The following TMTC1 variants were observed in gnomAD, a reference collection of about 807,000 sequenced individuals.
TMTC1 encodes the protein transmembrane O-mannosyltransferase targeting cadherins 1.
Under a neutral mutation model 104.8 loss-of-function variants are expected in TMTC1, and 73 were observed. The ratio of observed to expected loss-of-function variants is 0.70; its 90% CI spans 0.58 to 0.85. The LOEUF is 0.85. Among genes scored for constraint, TMTC1 ranks in the 40% least tolerant of loss-of-function variants. The probability of loss-of-function intolerance (pLI) is 0.00; values close to 1 mark genes in which losing one functional copy is unlikely to be tolerated. For synonymous variants in TMTC1, 434 were observed against 428.7 expected, an observed-to-expected ratio of 1.01 and a Z score of -0.15; for missense variants, 1,035 against 1,096.1, an observed-to-expected ratio of 0.94 and a Z score of 0.79.
intron 2 of TMTC1, among the ~76,000 whole-genome samples, chr12:29,765,278 T>G (rs921231211): frequency 6.6e-6 from 1 of 152,222 alleles, no homozygotes; most frequent in Non-Finnish European, 1.5e-5. Context: ...ATTGTAGATA[T>G]CGACATTTCA....
chr12:29,505,404 T>C lies in TMTC1; in HGVS notation c.*1442A>G, dbSNP rs1943676188. On this transcript the variant is annotated 3_prime_UTR_variant, in exon 18 of 18. Transcript: ENST00000539277. Reference sequence around the variant, plus strand: ...GAAACAGGTGTTCCAATTTCTTCACTTCCAAAATATACTACTGCCAAAAAA... The same window carrying C: ...GAAACAGGTGTTCCAATTTCTTCACCTCCAAAATATACTACTGCCAAAAAA... 1 of 152,214 alleles carries C rather than the reference T, an allele frequency of 6.6e-6. No individual in the cohort carries two copies. Among genetic ancestry groups the C allele is most frequent in the Non-Finnish European group, 1.5e-5 (1 of 68,044 alleles). The allele number at this position is 152,214 out of a possible 1,614,324, so 9.4% of individuals were successfully genotyped here.
rs115697550 is a variant in TMTC1 at position 29,722,162 on chromosome 12, T to A, written c.938+29504A>T. Among the ~76,000 whole-genome samples the A allele has an allele frequency of 6.6e-3, 1,004 of 152,248 alleles. 10 individuals are homozygous for A. The highest frequency in any genetic ancestry group is 0.023 in the African/African-American group (965 of 41,526). On this transcript the variant is annotated intron_variant, in intron 5 of 17. Coordinates refer to ENST00000539277, the MANE Select transcript of TMTC1 (RefSeq NM_001193451.2). ...TGACCTCATGGACCCCTTGAAAGGG[T>A]CTTGGGGAACCTTCAGGGTCCCTAG...
intron 5 of TMTC1, among the ~76,000 whole-genome samples, chr12:29,736,722 TTCTC>T (rs1172927014): frequency 4.6e-5 from 7 of 152,142 alleles, no homozygotes; most frequent in African/African-American, 1.4e-4. Flanking sequence ...CCGGCCTAAA[TTCTC>T]TCTCTTAAAA....
intron 5 of TMTC1, among the ~76,000 whole-genome samples, chr12:29,674,108 A>G (rs1489037121): frequency 6.6e-6 from 1 of 152,112 alleles, no homozygotes; most frequent in East Asian, 1.9e-4. Context: ...CTCGAAGGAC[A>G]GTACTCTTGA....
At chr12:29,531,057 C>T (rs1430399325) in intron 11 of TMTC1, among the ~76,000 whole-genome samples, 7 of 152,146 alleles carry the variant, frequency 4.6e-5, no homozygotes, top group African/African-American at 1.7e-4. Context: ...TTGTGTTAGA[C>T]ATTGGGGAGG....
At chr12:29,544,417 G>T (rs1592206527) in intron 10 of TMTC1, among the ~76,000 whole-genome samples, 1 of 151,824 alleles carries the variant, frequency 6.6e-6, no homozygotes, top group Non-Finnish European at 1.5e-5. Flanking sequence ...TCACAGGGCA[G>T]CAGAAATGGA....
At chr12:29,653,784 T>G (rs1048260338) in intron 5 of TMTC1, among the ~76,000 whole-genome samples, 2 of 152,200 alleles carry the variant, frequency 1.3e-5, no homozygotes, top group Admixed American at 1.3e-4. Flanking sequence ...ATTCCATCAT[T>G]GGAATAATGA....
In TMTC1 at chr12:29,691,165, A is replaced by C. The variant is rs560628991; in HGVS notation, c.939-57829T>G. 1.4e-4 allele frequency among the ~76,000 whole-genome samples: 22 copies of C among 152,314 alleles called. No homozygotes were observed. In the South Asian group the frequency reaches 4.3e-3, roughly 30 times the overall value. ...TTGCTGCAAGAGTCTGAACCTCCCC[A>C]AATTGCTCCTGGGAATAACATCACT... On this transcript the variant is annotated intron_variant, in intron 5 of 17. Transcript: ENST00000539277.
At chr12:29,750,644 C>T (rs1366724851) in intron 5 of TMTC1, among the ~76,000 whole-genome samples, 1 of 152,166 alleles carries the variant, frequency 6.6e-6, no homozygotes, top group Non-Finnish European at 1.5e-5. Context: ...TTTTAAGGGA[C>T]TACACAGAAG....
intron 5 of TMTC1, among the ~76,000 whole-genome samples, chr12:29,674,793 C>G (rs1456859299): frequency 6.6e-6 from 1 of 152,178 alleles, no homozygotes; most frequent in Non-Finnish European, 1.5e-5. Context: ...AGTGCCCACA[C>G]CTCAAACATC....
intron 5 of TMTC1, among the ~76,000 whole-genome samples, chr12:29,640,153 C>T (rs1484381147): frequency 6.6e-6 from 1 of 152,188 alleles, no homozygotes; most frequent in East Asian, 1.9e-4. Flanking sequence ...GAAAAGAGAG[C>T]CAAGCAACTC....
At chr12:29,562,914 T>G (rs1945413784) in intron 9 of TMTC1, among the ~76,000 whole-genome samples, 1 of 152,174 alleles carries the variant, frequency 6.6e-6, no homozygotes, top group Non-Finnish European at 1.5e-5. Context: ...CCAGTTCTCC[T>G]TCCTCACATG....
intron 7 of TMTC1, 76 bp from the exon 8 acceptor site, chr12:29,583,650 C>T (rs1250247285): frequency 3.7e-6 from 5 of 1,359,358 alleles, no homozygotes; most frequent in Admixed American, 4.6e-5. Flanking sequence ...TCCTACAAAA[C>T]TAACTTTCAA....
chr12:29,676,201 C>A (rs564089071), intron 5 of TMTC1, among the ~76,000 whole-genome samples: 1 of 152,168 alleles, frequency 6.6e-6, no homozygotes, highest in Admixed American at 6.5e-5. Flanking sequence ...TACACTGCTA[C>A]GTGTGTCAGA....
At chr12:29,616,541 G>A (rs997201091) in intron 6 of TMTC1, among the ~76,000 whole-genome samples, 1 of 151,832 alleles carries the variant, frequency 6.6e-6, no homozygotes, top group Non-Finnish European at 1.5e-5. Context: ...GGTGGTGGAC[G>A]CCTGTAATCC....
intron 10 of TMTC1, among the ~76,000 whole-genome samples, chr12:29,544,950 A>C (rs1944899952): frequency 6.6e-6 from 1 of 152,156 alleles, no homozygotes; most frequent in Admixed American, 6.6e-5. Context: ...CCAGTGGCCA[A>C]AGAGAAATGT....
At chr12:29,588,932 GA>G (rs1309525059) in intron 7 of TMTC1, among the ~76,000 whole-genome samples, 2 of 151,482 alleles carry the variant, frequency 1.3e-5, no homozygotes, top group South Asian at 2.1e-4. Flanking sequence ...ATGCCAAAAG[GA>G]AAAAAAATTC....
chr12:29,754,881 GA>G (rs1414721073), intron 4 of TMTC1, among the ~76,000 whole-genome samples: 2 of 152,206 alleles, frequency 1.3e-5, no homozygotes, highest in African/African-American at 4.8e-5. Flanking sequence ...GAAGTATAAA[GA>G]GGTAGGAAAT....
intron 5 of TMTC1, among the ~76,000 whole-genome samples, chr12:29,696,560 A>G (rs1161556745): frequency 2.0e-5 from 3 of 152,204 alleles, no homozygotes; most frequent in Non-Finnish European, 4.4e-5. Context: ...TTGAGGCAAC[A>G]TTAACAATAC....
Sources: gnomAD v4.1 joint callset for allele counts (sites outside exome capture counted in the v4.1 genomes callset) on GRCh38, gnomAD v4.1.1 for gene constraint, MANE v1.5 for transcripts, NCBI Gene and HGNC (gene_info 2026-07-23, HGNC 2026-07-21) for gene names.